The following TPRG1 variants were observed in gnomAD, a reference collection of about 807,000 sequenced individuals.
TPRG1 encodes the protein tumor protein p63-regulated gene 1 protein.
TPRG1 carries 29 observed loss-of-function variants against 29.3 expected under a neutral mutation model. The observed-to-expected ratio is 0.99, with a 90% confidence interval of 0.74 to 1.35. The LOEUF is 1.35. Ranked by LOEUF, TPRG1 falls within the 40% of genes most tolerant of loss-of-function variation. TPRG1 has a pLI of 0.00. For missense variants in TPRG1, 327 were observed against 335.0 expected, an observed-to-expected ratio of 0.98 and a Z score of 0.19; for synonymous variants, 130 against 116.8, an observed-to-expected ratio of 1.11 and a Z score of -0.73.
chr3:189,212,101 T>G (rs1735358308), intron 2 of TPRG1: 1 of 152,140 alleles, frequency 6.6e-6, no homozygotes, highest in African/African-American at 2.4e-5. Context: ...AAACTCTCTG[T>G]AGGACTCTAT....
At chr3:189,181,997 G>A (rs1053508351) in intron 1 of TPRG1, among the ~76,000 whole-genome samples, 3 of 152,272 alleles carry the variant, frequency 2.0e-5, no homozygotes, top group Admixed American at 6.5e-5. Flanking sequence ...GAGAATTTGG[G>A]CAGGGTAACT....
At chr3:189,124,579 C>G (rs1335177982) in intron 1 of TPRG1, among the ~76,000 whole-genome samples, 1 of 151,428 alleles carries the variant, frequency 6.6e-6, no homozygotes, top group Non-Finnish European at 1.5e-5. Context: ...CACACACACA[C>G]ATACGTGTAC....
chr3:189,086,468 C>T (rs1717946101), intron 4 of TPRG1, among the ~76,000 whole-genome samples: 1 of 152,048 alleles, frequency 6.6e-6, no homozygotes, highest in South Asian at 2.1e-4. Flanking sequence ...AAGCAATCCT[C>T]CCTCCTCAGC....
chr3:189,209,414 T>C (rs554531817), intron 2 of TPRG1, among the ~76,000 whole-genome samples: 6 of 152,314 alleles, frequency 3.9e-5, no homozygotes, highest in Admixed American at 2.6e-4. Context: ...TTCTAGAAAA[T>C]GTAGTTTCAG....
At chr3:189,302,720 G>T (rs1299970389) in intron 4 of TPRG1, among the ~76,000 whole-genome samples, 2 of 152,144 alleles carry the variant, frequency 1.3e-5, no homozygotes, top group African/African-American at 4.8e-5. Flanking sequence ...AACTTCATTG[G>T]ATTAGCTTTC....
chr3:189,195,239 C>T (rs1732344310), intron 1 of TPRG1, among the ~76,000 whole-genome samples: 2 of 152,130 alleles, frequency 1.3e-5, no homozygotes, highest in South Asian at 4.1e-4. Context: ...GGTCAAGGCA[C>T]TGTTTCCTGG....
At chr3:189,116,585 A>G (rs1315713955) in intron 1 of TPRG1, among the ~76,000 whole-genome samples, 1 of 152,104 alleles carries the variant, frequency 6.6e-6, no homozygotes, top group Non-Finnish European at 1.5e-5. Flanking sequence ...GTATGCATGT[A>G]CAACAGAATA....
At chr3:189,180,992 C>T (rs1472815459) in intron 1 of TPRG1, among the ~76,000 whole-genome samples, 3 of 152,202 alleles carry the variant, frequency 2.0e-5, no homozygotes. Context: ...TACTGGCAGG[C>T]TCAACTCCAA....
At chr3:189,307,133 C>T (rs1371204456) in intron 4 of TPRG1, among the ~76,000 whole-genome samples, 3 of 152,128 alleles carry the variant, frequency 2.0e-5, no homozygotes, top group Non-Finnish European at 2.9e-5. Context: ...AGTGATTCTC[C>T]TGCCTTGGCC....
At chr3:189,035,237 C>T (rs73048753) in intron 4 of TPRG1, among the ~76,000 whole-genome samples, 8 of 152,048 alleles carry the variant, frequency 5.3e-5, no homozygotes, top group Admixed American at 6.5e-5. Context: ...TAGTCATATG[C>T]GGAAGATTGA....
At chr3:189,258,973 T>C (rs1712459245) in intron 4 of TPRG1, among the ~76,000 whole-genome samples, 1 of 152,204 alleles carries the variant, frequency 6.6e-6, no homozygotes. Context: ...GAAGACCACT[T>C]GGCTCCCTGG....
At chr3:189,031,257 C>T (rs2711575) in intron 4 of TPRG1, among the ~76,000 whole-genome samples, 130,686 of 151,604 alleles carry the variant, frequency 0.86, 58,367 homozygotes, top group Non-Finnish European at 0.97. Flanking sequence ...CGCCACTGCA[C>T]TCCAGCCTGG....
In TPRG1 at chr3:189,028,970, G is replaced by A. The variant is rs760922763; in HGVS notation, c.-463+5024G>A. On this transcript the variant is annotated intron_variant, in intron 4 of 10. Coordinates refer to the TPRG1 transcript ENST00000433971. ...GGGAGGCTAATTTAACTTTCTCCTC[G>A]TCCCCAGTCATGGTCTATTTCCTAT... Among the ~76,000 whole-genome samples, 54 of 151,222 alleles carry A rather than the reference G, an allele frequency of 3.6e-4. 1 individual carries two copies. Among genetic ancestry groups the A allele is most frequent in the Non-Finnish European group, 2.2e-4 (15 of 67,942 alleles).
intron 2 of TPRG1, among the ~76,000 whole-genome samples, chr3:189,130,217 T>C: frequency 6.6e-6 from 1 of 152,206 alleles, no homozygotes; most frequent in East Asian, 1.9e-4. Flanking sequence ...TATGTTGGGT[T>C]ATAAGCACCA....
At chr3:189,049,491 A>G (rs1008688224) in intron 4 of TPRG1, among the ~76,000 whole-genome samples, 1 of 152,164 alleles carries the variant, frequency 6.6e-6, no homozygotes, top group African/African-American at 2.4e-5. Context: ...AGCCACAGCA[A>G]GACTGGTCCG....
chr3:189,177,665 AC>A (rs1729669913), intron 1 of TPRG1, among the ~76,000 whole-genome samples: 1 of 151,810 alleles, frequency 6.6e-6, no homozygotes, highest in East Asian at 1.9e-4. Flanking sequence ...GGTGCAGTGA[AC>A]CCAGTCAGTG....
chr3:189,203,553 C>T (rs999195366), intron 1 of TPRG1, among the ~76,000 whole-genome samples: 2 of 152,142 alleles, frequency 1.3e-5, no homozygotes, highest in Non-Finnish European at 2.9e-5. Context: ...CGTGCTACTG[C>T]AATGTTTGCG....
rs1724525176 is a variant in TPRG1, at chr3:189,324,027, G to A, written c.*3207G>A. 1 of 152,086 alleles carries A rather than the reference G, an allele frequency of 6.6e-6. No individual in the cohort carries two copies. The highest frequency in any genetic ancestry group is 2.4e-5 in the African/African-American group (1 of 41,408). 9.4% of individuals were successfully genotyped at this position (152,086 alleles called of 1,614,324 possible). On this transcript the variant is annotated 3_prime_UTR_variant, in exon 6 of 6. Transcript: ENST00000345063. ...AGGAGGACTTTTAAACAATCACCAG[G>A]ACTCACTCCTCGGTGGTCAATTGGG... is the stretch of plus-strand genomic sequence containing the variant.
intron 3 of TPRG1, among the ~76,000 whole-genome samples, chr3:189,232,266 A>C (rs944997302): frequency 5.3e-5 from 8 of 152,222 alleles, no homozygotes; most frequent in African/African-American, 1.9e-4. Flanking sequence ...TAACAAAATG[A>C]ATAAATACTC....
Sources: allele counts gnomAD v4.1 joint callset (sites outside exome capture counted in the v4.1 genomes callset), GRCh38; gene constraint gnomAD v4.1.1; transcripts MANE v1.5; gene names NCBI Gene and HGNC (gene_info 2026-07-23, HGNC 2026-07-21).